Variants in MKX observed in about 807,000 individuals in gnomAD.
MKX encodes mohawk homeobox.
MKX carries 13 observed loss-of-function variants against 36.0 expected under a neutral mutation model. The ratio of observed to expected loss-of-function variants is 0.36; its 90% confidence interval spans 0.24 to 0.57. MKX has a LOEUF of 0.57. Among genes scored for constraint, MKX ranks in the 20% least tolerant of loss-of-function variants. The probability of loss-of-function intolerance (pLI) is 0.79; values close to 1 mark genes in which losing one functional copy is unlikely to be tolerated. For synonymous variants in MKX, 176 were observed against 178.3 expected (o/e 0.99, Z 0.10); for missense variants, 458 against 456.4 (o/e 1.00, Z -0.03).
At chr10:27,700,750 A>C (rs1346650375) in intron 5 of MKX, among the ~76,000 whole-genome samples, 1 of 152,188 alleles carries the variant, frequency 6.6e-6, no homozygotes, top group Admixed American at 6.5e-5. Flanking sequence ...CTAGTAATAC[A>C]GTAGTGAACA....
intron 5 of MKX, among the ~76,000 whole-genome samples, chr10:27,713,886 A>G (rs1836915902): frequency 6.6e-6 from 1 of 151,980 alleles, no homozygotes; most frequent in African/African-American, 2.4e-5. Context: ...TGATATTTTC[A>G]TCATACATTC....
intron 5 of MKX, among the ~76,000 whole-genome samples, chr10:27,688,946 T>A (rs951018697): frequency 3.3e-5 from 5 of 152,158 alleles, no homozygotes; most frequent in Non-Finnish European, 7.4e-5. Flanking sequence ...ACTTTTTAAA[T>A]GGAAAAAAAT....
chr10:27,696,504 AGTTAT>A (rs899315804), intron 5 of MKX, among the ~76,000 whole-genome samples: 12 of 152,176 alleles, frequency 7.9e-5, no homozygotes, highest in Non-Finnish European at 1.8e-4. Context: ...GGTCAAGGGC[AGTTAT>A]GTTATGTCTA....
intron 5 of MKX, among the ~76,000 whole-genome samples, chr10:27,713,026 C>T (rs1018672446): frequency 1.3e-5 from 2 of 152,188 alleles, no homozygotes; most frequent in African/African-American, 4.8e-5. Context: ...AACTGTACCA[C>T]GTGCACAAGC....
intron 5 of MKX, among the ~76,000 whole-genome samples, chr10:27,711,198 CCAA>C (rs1453997729): frequency 6.6e-6 from 1 of 152,080 alleles, no homozygotes; most frequent in African/African-American, 2.4e-5. Flanking sequence ...TCACAGACCA[CCAA>C]CAAGAAGAGA....
intron 1 of MKX, among the ~76,000 whole-genome samples, chr10:27,745,166 G>T (rs1835025461): frequency 6.6e-6 from 1 of 151,760 alleles, no homozygotes; most frequent in Non-Finnish European, 1.5e-5. Flanking sequence ...ATGCGACGAC[G>T]TGTTTTTCCT....
chr10:27,729,132 A>G (rs1020543208), intron 5 of MKX, among the ~76,000 whole-genome samples: 1 of 152,206 alleles, frequency 6.6e-6, no homozygotes, highest in African/African-American at 2.4e-5. Context: ...ATCTGCCTAG[A>G]TGCTTTGCTT....
rs921385271 is a variant in MKX, at chr10:27,742,280, C to T, written c.189-776G>A. Among the ~76,000 whole-genome samples, 23 of 152,138 alleles carry T rather than the reference C, an allele frequency of 1.5e-4. No individual in the cohort carries two copies. Among genetic ancestry groups the T allele is most frequent in the African/African-American group, 5.5e-4 (23 of 41,450 alleles). On this transcript the variant is annotated intron_variant, in intron 2 of 6. Transcript: ENST00000419761. The surrounding 1 kb of genome is among the most constrained non-coding windows in gnomAD (Gnocchi z 4.2). ...TGGCCTGGGGCGCTGCGCTCCCTCA[C>T]GGGTCCGGGAGGTGTCGCGCGCGGC...
Position 27,675,394 on chromosome 10 carries a change from T to C in MKX, c.894A>G (p.Pro298=). Reference sequence around the variant, plus strand: ...CCTTCCAATACGTGTCATCCTTGCTTGGTCCTTTTCTGTTAGCTGCGCTGG... The same window carrying C: ...CCTTCCAATACGTGTCATCCTTGCTCGGTCCTTTTCTGTTAGCTGCGCTGG... ...KGESAANRKG[P]SKDDTYWKEI... The change falls in exon 7 of 7, where the codon CCA becomes CCG. Residue 298 remains proline, a synonymous_variant. Transcript: ENST00000419761. 1 of 1,614,208 alleles carries C rather than the reference T, an allele frequency of 6.2e-7. No individual in the cohort carries two copies. The highest frequency in any genetic ancestry group is 8.5e-7 in the Non-Finnish European group (1 of 1,180,040).
At chr10:27,696,071 C>G (rs921713681) in intron 5 of MKX, among the ~76,000 whole-genome samples, 6 of 152,128 alleles carry the variant, frequency 3.9e-5, no homozygotes, top group Admixed American at 3.3e-4. Flanking sequence ...TTGAATTAAA[C>G]ACCCTTGTTT....
chr10:27,714,801 G>A (rs1415714815), intron 5 of MKX, among the ~76,000 whole-genome samples: 4 of 152,200 alleles, frequency 2.6e-5, no homozygotes, highest in Admixed American at 6.5e-5. Flanking sequence ...TGTCTGCTCT[G>A]TCCTTAAACC....
Position 27,742,535 on chromosome 10 carries a change from C to G in MKX, c.188+693G>C, listed in dbSNP as rs1163776493. Among the ~76,000 whole-genome samples the G allele has an allele frequency of 6.6e-6, 1 of 151,994 alleles. No homozygotes were observed. The highest frequency in any genetic ancestry group is 1.5e-5 in the Non-Finnish European group (1 of 67,938). ...GGCCGCCCCTCCCCGGCGGGGCGCC[C>G]GGGGAGCCGCCGGATCGGGCCAGGC... On this transcript the variant is annotated intron_variant, in intron 2 of 6. Transcript: ENST00000419761. This position sits in a 1 kb window ranked among gnomAD's most constrained non-coding sequence, Gnocchi z 4.2.
At chr10:27,698,583 T>C (rs984697912) in intron 5 of MKX, among the ~76,000 whole-genome samples, 13 of 152,040 alleles carry the variant, frequency 8.6e-5, no homozygotes, top group Non-Finnish European at 1.8e-4. Flanking sequence ...AACGGCATTG[T>C]CTGAGGAAGG....
intron 5 of MKX, among the ~76,000 whole-genome samples, chr10:27,685,212 C>T (rs938259461): frequency 8.9e-5 from 12 of 134,460 alleles, no homozygotes; most frequent in Admixed American, 7.9e-4. Context: ...CTGCAAAGAC[C>T]ATGGCAAGGC....
chr10:27,705,826 A>T (rs1166766151), intron 5 of MKX, among the ~76,000 whole-genome samples: 1 of 152,216 alleles, frequency 6.6e-6, no homozygotes, highest in East Asian at 1.9e-4. Flanking sequence ...AGCCTGTATG[A>T]TCTGAAATCG....
chr10:27,734,877 A>T, intron 4 of MKX, 86 bp from the exon 5 acceptor site: 1 of 745,276 alleles, frequency 1.3e-6, no homozygotes. Context: ...TTAAAAATAT[A>T]TAAAGGAAAT....
intron 5 of MKX, among the ~76,000 whole-genome samples, chr10:27,734,092 A>T (rs1277406483): frequency 6.6e-6 from 1 of 152,042 alleles, no homozygotes; most frequent in African/African-American, 2.4e-5. Flanking sequence ...GCCAGTATAC[A>T]CCCCCCTAAA....
chr10:27,709,193 C>T (rs113790246), intron 5 of MKX, among the ~76,000 whole-genome samples: 1 of 102,878 alleles, frequency 9.7e-6, no homozygotes, highest in South Asian at 3.2e-4. Flanking sequence ...AATAAATAAA[C>T]AACAATACAA....
rs1834897004 is a variant in MKX, at chr10:27,741,551, C to T, written c.189-47G>A. 1.3e-6 allele frequency: 2 copies of T among 1,523,104 alleles called. No homozygotes were observed. The highest frequency in any genetic ancestry group is 1.7e-6 in the Non-Finnish European group (2 of 1,144,016). The allele number at this position is 1,523,104 out of a possible 1,614,324, so 94.3% of individuals were successfully genotyped here. A position where few individuals can be genotyped will look rare whatever the true frequency, so the allele number is the denominator to read the frequency against. On this transcript the variant is annotated intron_variant, in intron 2 of 6. Transcript: ENST00000419761. This position sits in a 1 kb window ranked among gnomAD's most constrained non-coding sequence, Gnocchi z 5.1. ...CGGCCCTGGTGAGCGACGCGTTTGC[C>T]CGCCCGGACGCTCCACGCCCCGGCC...
Sources: allele counts gnomAD v4.1 joint callset (sites outside exome capture counted in the v4.1 genomes callset), GRCh38; gene constraint gnomAD v4.1.1; non-coding constraint Gnocchi (gnomAD v3.1); transcripts MANE v1.5; gene names NCBI Gene and HGNC (gene_info 2026-07-23, HGNC 2026-07-21).